UGGT2: variants seen among roughly 807,000 people sequenced by gnomAD.
UGGT2 encodes the protein UDP-glucose:glycoprotein glucosyltransferase 2.
Under a neutral mutation model 192.1 loss-of-function variants are expected in UGGT2, and 180 were observed. The observed-to-expected ratio is 0.94, with a 90% CI of 0.83 to 1.06. UGGT2 has a LOEUF of 1.06. Among genes scored for constraint, UGGT2 ranks in the 50% least tolerant of loss-of-function variants. The probability of loss-of-function intolerance (pLI) is 0.00; values close to 1 mark genes in which losing one functional copy is unlikely to be tolerated. For synonymous variants in UGGT2, 580 were observed against 591.0 expected, an observed-to-expected ratio of 0.98 and a Z score of 0.27; for missense variants, 1,849 against 1,795.7, an observed-to-expected ratio of 1.03 and a Z score of -0.54.
intron 26 of UGGT2, 85 bp from the exon 27 acceptor site, chr13:95,884,765 T>G: frequency 7.6e-7 from 1 of 1,320,418 alleles, no homozygotes. Flanking sequence ...AATTGCTTAA[T>G]GATCTGACCA....
intron 22 of UGGT2, among the ~76,000 whole-genome samples, chr13:95,899,005 T>G (rs570308607): frequency 1.3e-5 from 2 of 152,322 alleles, no homozygotes; most frequent in African/African-American, 4.8e-5. Flanking sequence ...CACTGAGAGG[T>G]GTGGCCTTTG....
At chr13:95,842,110 C>G (rs559225421) in intron 36 of UGGT2, among the ~76,000 whole-genome samples, 2 of 152,124 alleles carry the variant, frequency 1.3e-5, no homozygotes, top group African/African-American at 2.4e-5. Context: ...TTCTGTGAAA[C>G]CATCACATAA....
intron 2 of UGGT2, 127 bp downstream of exon 2, chr13:96,031,762 T>C: frequency 1.6e-6 from 1 of 638,860 alleles, no homozygotes; most frequent in Admixed American, 3.6e-5. Flanking sequence ...TATTTTCAAA[T>C]TTAATGTTCG....
intron 2 of UGGT2, among the ~76,000 whole-genome samples, chr13:96,030,453 A>G (rs949997644): frequency 6.6e-4 from 101 of 152,344 alleles, no homozygotes; most frequent in African/African-American, 2.4e-3. Flanking sequence ...GAAAGGAAAA[A>G]TTATTTGCTT....
At chr13:95,882,891 T>C (rs760421084) in intron 27 of UGGT2, among the ~76,000 whole-genome samples, 17 of 152,170 alleles carry the variant, frequency 1.1e-4, no homozygotes, top group Non-Finnish European at 2.2e-4. Flanking sequence ...CCTTATTGAG[T>C]ATATTGCCGC....
intron 20 of UGGT2, among the ~76,000 whole-genome samples, chr13:95,909,795 C>T (rs1375392148): frequency 9.6e-6 from 1 of 104,140 alleles, no homozygotes; most frequent in Non-Finnish European, 2.0e-5. Flanking sequence ...AGATTCCTGC[C>T]CACTAAAAAA....
intron 17 of UGGT2, among the ~76,000 whole-genome samples, chr13:95,936,002 T>C (rs374787345): frequency 6.6e-5 from 10 of 152,086 alleles, no homozygotes; most frequent in African/African-American, 2.4e-4. Context: ...AAGTTTTAAG[T>C]TTTTTTGTAG....
intron 38 of UGGT2, among the ~76,000 whole-genome samples, chr13:95,809,084 C>T (rs1014625412): frequency 6.6e-6 from 1 of 152,146 alleles, no homozygotes; most frequent in Non-Finnish European, 1.5e-5. Flanking sequence ...ATATCTCACA[C>T]TATTTTCTGG....
intron 23 of UGGT2, among the ~76,000 whole-genome samples, chr13:95,894,885 T>C (rs7322566): frequency 1.3e-5 from 2 of 151,832 alleles, no homozygotes; most frequent in Non-Finnish European, 2.9e-5. Context: ...AAGACAAATA[T>C]GGGAACCATG....
At chr13:95,839,127 G>A (rs974148315) in intron 36 of UGGT2, among the ~76,000 whole-genome samples, 8 of 151,964 alleles carry the variant, frequency 5.3e-5, no homozygotes, top group African/African-American at 1.7e-4. Context: ...CAACATGGCT[G>A]AGTTCCATGA....
Position 95,900,271 on chromosome 13 carries a change from A to T in UGGT2, c.2634+536T>A, listed in dbSNP as rs1046756063. On this transcript the variant is annotated intron_variant, in intron 22 of 38. Transcript: ENST00000376747. ...TATGGTAGAAAAAAGGGCTGAAAGGAAAAACAATAAGCTATTAAGTTTTAT... is the reference window on the plus strand; with the variant it reads ...TATGGTAGAAAAAAGGGCTGAAAGGTAAAACAATAAGCTATTAAGTTTTAT... 4.6e-5 allele frequency among the ~76,000 whole-genome samples: 7 copies of T among 152,170 alleles called. 1 individual carries two copies. The highest frequency in any genetic ancestry group is 4.6e-4 in the Admixed American group (7 of 15,252).
chr13:95,806,049 A>C (rs1258120429), intron 38 of UGGT2, among the ~76,000 whole-genome samples: 2 of 151,438 alleles, frequency 1.3e-5, no homozygotes, highest in African/African-American at 4.8e-5. Context: ...AAAAAAAAAA[A>C]AAACACACAG....
At chr13:96,027,049 A>C (rs1450758240) in intron 2 of UGGT2, among the ~76,000 whole-genome samples, 2 of 152,240 alleles carry the variant, frequency 1.3e-5, no homozygotes, top group Admixed American at 1.3e-4. Flanking sequence ...AAGAATCAAA[A>C]AATAATGCAA....
chr13:95,869,624 T>C (rs901823544), intron 29 of UGGT2, among the ~76,000 whole-genome samples: 1 of 152,140 alleles, frequency 6.6e-6, no homozygotes, highest in Non-Finnish European at 1.5e-5. Flanking sequence ...TTATCCTAGA[T>C]CCAAATTGAG....
At chr13:95,934,268 T>C (rs909207149) in intron 17 of UGGT2, among the ~76,000 whole-genome samples, 3 of 152,226 alleles carry the variant, frequency 2.0e-5, no homozygotes, top group Middle Eastern at 3.2e-3. Context: ...TATTGAGACT[T>C]ACTTTATGGC....
chr13:95,909,119 T>C lies in UGGT2; in HGVS notation c.2296-6059A>G, dbSNP rs566032280. Among the ~76,000 whole-genome samples, 479 of 152,214 alleles carry C rather than the reference T, an allele frequency of 3.1e-3. 3 individuals carry two copies. The highest frequency in any genetic ancestry group is 0.011 in the African/African-American group (457 of 41,534). On this transcript the variant is annotated intron_variant, in intron 20 of 38. Coordinates refer to ENST00000376747, the MANE Select transcript of UGGT2 (RefSeq NM_020121.4). ...GTCTTTAATCCACCTTGAATTGATT[T>C]TTGTATAAGGTGTAAGGAAGGGATC...
intron 1 of UGGT2, among the ~76,000 whole-genome samples, chr13:96,034,379 C>T (rs966673280): frequency 6.6e-6 from 1 of 152,240 alleles, no homozygotes. Context: ...CTCCTAAGAG[C>T]TGTACTGTCT....
intron 36 of UGGT2, among the ~76,000 whole-genome samples, chr13:95,840,150 C>T (rs764157982): frequency 2.6e-5 from 4 of 152,104 alleles, no homozygotes; most frequent in Non-Finnish European, 4.4e-5. Flanking sequence ...GACTTCATGA[C>T]TAAAATACCA....
intron 12 of UGGT2, among the ~76,000 whole-genome samples, chr13:95,956,529 T>G (rs1324073997): frequency 6.6e-6 from 1 of 152,184 alleles, no homozygotes; most frequent in Non-Finnish European, 1.5e-5. Context: ...CTAGAGAAGA[T>G]ATACAAATGG....
Sources: gnomAD v4.1 joint callset for allele counts (sites outside exome capture counted in the v4.1 genomes callset) on GRCh38, gnomAD v4.1.1 for gene constraint, MANE v1.5 for transcripts, NCBI Gene and HGNC (gene_info 2026-07-23, HGNC 2026-07-21) for gene names.